Variants in IGFL4 observed in about 807,000 individuals in gnomAD.
IGFL4 encodes IGF like family member 4, also known as insulin growth factor-like family member 4.
IGFL4 carries 12 observed loss-of-function variants against 15.4 expected under a neutral mutation model. The ratio of observed to expected loss-of-function variants is 0.78; its 90% CI spans 0.50 to 1.26. The LOEUF (loss-of-function observed/expected upper bound fraction) is 1.26, where lower values mean the gene tolerates loss of function less well. Ranked by LOEUF, IGFL4 falls within the 50% of genes most tolerant of loss-of-function variation. The pLI is 0.00. For synonymous variants in IGFL4, 54 were observed against 55.9 expected, an observed-to-expected ratio of 0.97 and a Z score of 0.16; for missense variants, 126 against 147.8, an observed-to-expected ratio of 0.85 and a Z score of 0.76.
chr19:46,051,032 C>T (rs572954527), intron 2 of IGFL4, among the ~76,000 whole-genome samples: 42 of 152,314 alleles, frequency 2.8e-4, no homozygotes, highest in African/African-American at 8.9e-4. Flanking sequence ...CCTTAAACAA[C>T]GCAATTATCA....
At chr19:46,074,678 T>G (rs1969578575) in intron 1 of IGFL4, among the ~76,000 whole-genome samples, 1 of 152,210 alleles carries the variant, frequency 6.6e-6, no homozygotes, top group South Asian at 2.1e-4. Context: ...TTTTTCTGTC[T>G]GCTTTCTATT....
At chr19:46,042,781 C>T (rs1306967684), upstream of IGFL4, among the ~76,000 whole-genome samples, 1 of 152,172 alleles carries the variant, frequency 6.6e-6, no homozygotes, top group Admixed American at 6.6e-5. Flanking sequence ...CAGCCTGTGG[C>T]TCCATGGTAT....
At chr19:46,065,361 C>T (rs1233983215) in intron 1 of IGFL4, among the ~76,000 whole-genome samples, 2 of 152,062 alleles carry the variant, frequency 1.3e-5, no homozygotes, top group African/African-American at 2.4e-5. Flanking sequence ...CTCGCTCTGT[C>T]GCCCAGGCTG....
intron 1 of IGFL4, among the ~76,000 whole-genome samples, chr19:46,070,135 A>C (rs918589601): frequency 7.6e-4 from 93 of 121,600 alleles, no homozygotes; most frequent in African/African-American, 3.2e-3. Flanking sequence ...AATTGAAGCA[A>C]ATCTCTAAGA....
chr19:46,049,785 A>T (rs1418015861), intron 2 of IGFL4, among the ~76,000 whole-genome samples: 1 of 152,156 alleles, frequency 6.6e-6, no homozygotes, highest in Non-Finnish European at 1.5e-5. Flanking sequence ...CCCTAGGGCA[A>T]GTTTGTATCC....
intron 2 of IGFL4, chr19:46,059,945 A>G (rs780631968): frequency 6.6e-6 from 1 of 152,190 alleles, no homozygotes; most frequent in Non-Finnish European, 1.5e-5. Context: ...GACATTCTTT[A>G]CTTACCACAG....
chr19:46,048,763 CAGAT>C (rs1196686015), intron 2 of IGFL4, among the ~76,000 whole-genome samples: 1 of 152,082 alleles, frequency 6.6e-6, no homozygotes, highest in African/African-American at 2.4e-5. Flanking sequence ...CAAAAAAAAT[CAGAT>C]AGGACACAAA....
chr19:46,067,338 C>G (rs1969504556), intron 1 of IGFL4, among the ~76,000 whole-genome samples: 1 of 152,148 alleles, frequency 6.6e-6, no homozygotes, highest in Admixed American at 6.5e-5. Context: ...TGCCCTCCAC[C>G]CATCCAGGAA....
intron 1 of IGFL4, among the ~76,000 whole-genome samples, chr19:46,061,698 AGGC>A (rs1969446704): frequency 2.0e-5 from 3 of 152,182 alleles, no homozygotes; most frequent in African/African-American, 4.8e-5. Flanking sequence ...TTTAATTGCT[AGGC>A]AACCCAAAGT....
chr19:46,066,276 C>T (rs1969493747), intron 1 of IGFL4, among the ~76,000 whole-genome samples: 2 of 152,118 alleles, frequency 1.3e-5, no homozygotes, highest in South Asian at 4.1e-4. Flanking sequence ...GTAAGTATGT[C>T]CCAAGTGTTA....
At chr19:46,051,012 T>C (rs1478242753) in intron 2 of IGFL4, among the ~76,000 whole-genome samples, 3 of 152,228 alleles carry the variant, frequency 2.0e-5, no homozygotes, top group Non-Finnish European at 4.4e-5. Flanking sequence ...TGAGGTCCTA[T>C]CTTTAGTCTC....
intron 1 of IGFL4, among the ~76,000 whole-genome samples, chr19:46,069,811 A>G (rs1484449142): frequency 6.6e-6 from 1 of 152,220 alleles, no homozygotes; most frequent in African/African-American, 2.4e-5. Context: ...ATAGATGTGA[A>G]AATTCTGAAG....
chr19:46,041,189 G>C (rs1420329277), upstream of IGFL4: 1 of 506,020 alleles, frequency 2.0e-6, no homozygotes, highest in African/African-American at 2.0e-5. Flanking sequence ...TGCCTCCTCA[G>C]ACCCTTCAGA....
At chr19:46,056,685 G>C (rs1433190165) in intron 2 of IGFL4, among the ~76,000 whole-genome samples, 2 of 152,324 alleles carry the variant, frequency 1.3e-5, no homozygotes, top group Non-Finnish European at 2.9e-5. Context: ...AGGAATCAAA[G>C]GCAATGAAAT....
At chr19:46,043,693 A>AAGAT (rs1969269527), upstream of IGFL4, among the ~76,000 whole-genome samples, 1 of 152,236 alleles carries the variant, frequency 6.6e-6, no homozygotes, top group Non-Finnish European at 1.5e-5. Flanking sequence ...AATGTGGGAA[A>AAGAT]AGATAGTCAT....
At chr19:46,071,964 A>G (rs539201959) in intron 1 of IGFL4, among the ~76,000 whole-genome samples, 1 of 152,216 alleles carries the variant, frequency 6.6e-6, no homozygotes, top group African/African-American at 2.4e-5. Context: ...CAGAGGTTGC[A>G]GTGAGCTGAG....
chr19:46,068,633 T>C (rs1363070163), intron 1 of IGFL4, among the ~76,000 whole-genome samples: 1 of 152,124 alleles, frequency 6.6e-6, no homozygotes, highest in African/African-American at 2.4e-5. Context: ...ACAGATAGAA[T>C]TGTTCATCTG....
Position 46,040,116 on chromosome 19 carries a change from A to T in IGFL4, c.330+41T>A. ...CATGGACAACCAAGCTCCATTCCCTACTCCCCCCTCCCACAGCCTGGACTG... is the reference window on the plus strand; with the variant it reads ...CATGGACAACCAAGCTCCATTCCCTTCTCCCCCCTCCCACAGCCTGGACTG... On this transcript the variant is annotated intron_variant, in intron 3 of 3. Transcript: ENST00000377697. The surrounding 1 kb of genome is among the most constrained non-coding windows in gnomAD (Gnocchi z 4.1). The T allele has an allele frequency of 1.2e-6, 2 of 1,608,454 alleles. No homozygotes were observed. Among genetic ancestry groups the T allele is most frequent in the Non-Finnish European group, 8.5e-7 (1 of 1,176,974 alleles).
chr19:46,051,078 T>C (rs1988419), intron 2 of IGFL4, among the ~76,000 whole-genome samples: 130,676 of 152,202 alleles, frequency 0.86, 56,470 homozygotes, highest in African/African-American at 0.92. Context: ...CTAAGCCTCA[T>C]AAATGAAGGA....
Sources: allele counts gnomAD v4.1 joint callset (sites outside exome capture counted in the v4.1 genomes callset), GRCh38; gene constraint gnomAD v4.1.1; non-coding constraint Gnocchi (gnomAD v3.1); transcripts MANE v1.5; gene names NCBI Gene and HGNC (gene_info 2026-07-23, HGNC 2026-07-21).